The following LARGE1 variants were observed in gnomAD, a reference collection of about 807,000 sequenced individuals.
LARGE1 encodes LARGE xylosyl- and glucuronyltransferase 1.
A neutral mutation model predicts 87.6 loss-of-function variants in LARGE1; 43 were observed. That is an observed-to-expected ratio of 0.49 (90% CI 0.38 to 0.63). The LOEUF (loss-of-function observed/expected upper bound fraction) is 0.63, where lower values mean the gene tolerates loss of function less well. Ranked by LOEUF, LARGE1 falls within the 30% of genes least tolerant of loss-of-function variation. The pLI is 0.00. For missense variants in LARGE1, 802 were observed against 1,000.2 expected, an observed-to-expected ratio of 0.80 and a Z score of 2.67; for synonymous variants, 434 against 394.6, an observed-to-expected ratio of 1.10 and a Z score of -1.18.
chr22:33,480,443 T>C (rs960367299), intron 6 of LARGE1, among the ~76,000 whole-genome samples: 2 of 152,132 alleles, frequency 1.3e-5, no homozygotes, highest in African/African-American at 4.8e-5. Flanking sequence ...ATTTCTCTGG[T>C]TCTCTGCCCA....
chr22:33,497,032 G>C lies in LARGE1; in HGVS notation c.788-64767C>G, dbSNP rs544730594. On this transcript the variant is annotated intron_variant, in intron 6 of 14. Transcript: ENST00000397394. ...TGTAGGGACACAAATTCCAGACTCA[G>C]GGAAGTTGGAAACTAGTTCTGCTAT... Among the ~76,000 whole-genome samples the C allele has an allele frequency of 1.3e-4, 20 of 151,956 alleles. No individual in the cohort carries two copies. The South Asian group carries it at 2.3e-3, about 17-fold the overall frequency.
At chr22:33,758,102 T>G (rs1201270808) in intron 2 of LARGE1, among the ~76,000 whole-genome samples, 1 of 152,202 alleles carries the variant, frequency 6.6e-6, no homozygotes, top group African/African-American at 2.4e-5. Flanking sequence ...ATGATCCTCA[T>G]TATGAGGAGC....
chr22:33,799,569 T>C lies in LARGE1; in HGVS notation c.-82-38011A>G, dbSNP rs374226093. Among the ~76,000 whole-genome samples, 5 of 152,028 alleles carry C rather than the reference T, an allele frequency of 3.3e-5. No homozygotes were observed. In the East Asian group the frequency reaches 9.7e-4, roughly 29 times the overall value. The stretch of plus-strand genomic sequence containing the variant: ...GATTCTCCTGCCTCAGCTGCCCAGG[T>C]AGCTGGGATTACAGGCATGCACCAC... On this transcript the variant is annotated intron_variant, in intron 1 of 14. Coordinates refer to ENST00000397394, the MANE Select transcript of LARGE1 (RefSeq NM_133642.5).
chr22:33,459,597 A>C (rs1354579654), intron 6 of LARGE1, among the ~76,000 whole-genome samples: 1 of 152,112 alleles, frequency 6.6e-6, no homozygotes, highest in East Asian at 1.9e-4. Flanking sequence ...AGACAGCCCA[A>C]TTCATACCCC....
chr22:33,367,018 T>C (rs772765780), intron 9 of LARGE1, among the ~76,000 whole-genome samples: 8 of 152,260 alleles, frequency 5.3e-5, no homozygotes, highest in Non-Finnish European at 1.2e-4. Context: ...CTAAACTTTA[T>C]ACTTTTTTCT....
intron 11 of LARGE1, among the ~76,000 whole-genome samples, chr22:33,211,259 T>C (rs1027138413): frequency 2.0e-5 from 3 of 152,158 alleles, no homozygotes; most frequent in African/African-American, 7.2e-5. Flanking sequence ...CACAATAGTA[T>C]TGAAATAAGG....
intron 1 of LARGE1, among the ~76,000 whole-genome samples, chr22:33,789,366 G>C (rs985666263): frequency 6.6e-6 from 1 of 152,252 alleles, no homozygotes; most frequent in African/African-American, 2.4e-5. Flanking sequence ...TGTCCAGGCA[G>C]ATGTCTGCTA....
chr22:33,412,950 C>T (rs762265083), intron 7 of LARGE1, among the ~76,000 whole-genome samples: 2 of 152,180 alleles, frequency 1.3e-5, no homozygotes, highest in African/African-American at 2.4e-5. Context: ...CGTGAGCCAC[C>T]GTGCCCGGCC....
At chr22:33,235,959 T>C (rs539906256) in intron 11 of LARGE1, among the ~76,000 whole-genome samples, 1 of 152,328 alleles carries the variant, frequency 6.6e-6, no homozygotes, top group African/African-American at 2.4e-5. Context: ...CTAAATCCAA[T>C]GACTGGTATT....
chr22:33,812,915 A>C (rs1219952174), intron 1 of LARGE1, among the ~76,000 whole-genome samples: 1 of 152,244 alleles, frequency 6.6e-6, no homozygotes, highest in Non-Finnish European at 1.5e-5. Flanking sequence ...ATTAAAAGAC[A>C]AATAAAACAG....
intron 7 of LARGE1, among the ~76,000 whole-genome samples, chr22:33,420,524 G>T (rs1457432477): frequency 6.6e-6 from 1 of 152,198 alleles, no homozygotes; most frequent in Admixed American, 6.5e-5. Flanking sequence ...ATTTAAATAG[G>T]TGTGTTCAAA....
intron 6 of LARGE1, among the ~76,000 whole-genome samples, chr22:33,557,770 T>C (rs2077736310): frequency 6.6e-6 from 1 of 152,176 alleles, no homozygotes; most frequent in Admixed American, 6.5e-5. Flanking sequence ...TTTCGCCATG[T>C]TTGCCAGGCT....
In LARGE1 at chr22:33,428,287, T is replaced by G. The variant is rs192394623; in HGVS notation, c.892+3874A>C. On this transcript the variant is annotated intron_variant, in intron 7 of 14. Coordinates refer to ENST00000397394, the MANE Select transcript of LARGE1 (RefSeq NM_133642.5). Reference sequence around the variant, plus strand: ...TCATTAAACAAGTTACAACATTAATTGCTAATCCTCACATACTAGGTTTGT... The same window carrying G: ...TCATTAAACAAGTTACAACATTAATGGCTAATCCTCACATACTAGGTTTGT... Among the ~76,000 whole-genome samples the G allele has an allele frequency of 5.3e-5, 8 of 151,416 alleles. 1 individual carries two copies. The East Asian group carries it at 1.6e-3, about 30-fold the overall frequency.
At position 33,604,465 on chromosome 22, in the gene LARGE1, A is replaced by T; in HGVS notation, c.585T>A (p.Arg195=). The change falls in exon 5 of 15, where the codon CGT becomes CGA. Residue 195 remains arginine, a synonymous_variant. Coordinates refer to ENST00000397394, the MANE Select transcript of LARGE1 (RefSeq NM_133642.5). Reference sequence around the variant, plus strand: ...GCTCGTCTGCATTGTAGAAGTCCACACGCACAGCGGGCACCATCCAGGTCT... The same window carrying T: ...GCTCGTCTGCATTGTAGAAGTCCACTCGCACAGCGGGCACCATCCAGGTCT... ...LFQTWMVPAV[R]VDFYNADELK... The T allele has an allele frequency of 6.2e-7, 1 of 1,614,076 alleles. No individual in the cohort carries two copies.
At chr22:33,714,661 C>A (rs545553087) in intron 2 of LARGE1, among the ~76,000 whole-genome samples, 1 of 152,306 alleles carries the variant, frequency 6.6e-6, no homozygotes, top group East Asian at 1.9e-4. Context: ...GTGGCATGGT[C>A]CTATGTTGCT....
At chr22:33,704,037 A>C (rs903373817) in intron 2 of LARGE1, among the ~76,000 whole-genome samples, 7 of 152,230 alleles carry the variant, frequency 4.6e-5, no homozygotes, top group African/African-American at 1.7e-4. Flanking sequence ...CTTCCACTAA[A>C]GCGTCTTAGC....
rs3072310 is a variant in LARGE1 at position 33,795,996 on chromosome 22, TA to T, written c.-82-34439del. 4.5e-3 allele frequency among the ~76,000 whole-genome samples: 649 copies of T among 143,136 alleles called. 2 individuals are homozygous for T. Among genetic ancestry groups the T allele is most frequent in the African/African-American group, 0.011 (424 of 39,170 alleles). 93.9% of individuals were successfully genotyped at this position (143,136 alleles called of 152,430 possible). ...ACATGTACCCTAAAACTTAAAGTAT[TA>T]AAAAAAAAAAAAAGAACATAGGCTG... On this transcript the variant is annotated intron_variant, in intron 1 of 14. Coordinates refer to ENST00000397394, the MANE Select transcript of LARGE1 (RefSeq NM_133642.5).
At chr22:33,912,388 G>C (rs1022982614) in intron 1 of LARGE1, among the ~76,000 whole-genome samples, 2 of 152,176 alleles carry the variant, frequency 1.3e-5, no homozygotes, top group Non-Finnish European at 2.9e-5. Context: ...AAGGAAGAAA[G>C]AAATCCCTAG....
At chr22:33,889,982 G>A (rs1157588945) in intron 1 of LARGE1, among the ~76,000 whole-genome samples, 1 of 152,218 alleles carries the variant, frequency 6.6e-6, no homozygotes, top group Non-Finnish European at 1.5e-5. Context: ...TGCTGAAAGG[G>A]AGGCCCCAGG....
Sources: allele counts gnomAD v4.1 joint callset (sites outside exome capture counted in the v4.1 genomes callset), GRCh38; gene constraint gnomAD v4.1.1; transcripts MANE v1.5; gene names NCBI Gene and HGNC (gene_info 2026-07-23, HGNC 2026-07-21).